The following KMO variants were observed in gnomAD, a reference collection of about 807,000 sequenced individuals.
KMO encodes the protein kynurenine 3-hydroxylase.
In KMO, 24 loss-of-function variants were observed where a neutral mutation model predicts 57.8. The ratio of observed to expected loss-of-function variants is 0.42; its 90% CI spans 0.30 to 0.58. KMO has a LOEUF of 0.58. Ranked by LOEUF, KMO falls within the 20% of genes least tolerant of loss-of-function variation. The pLI is 0.22. For synonymous variants in KMO, 210 were observed against 193.6 expected (o/e 1.08, Z -0.70); for missense variants, 483 against 588.2 (o/e 0.82, Z 1.85).
rs575683246 is a variant in KMO at position 241,556,654 on chromosome 1, C to T, written c.361+994C>T. Reference sequence around the variant, plus strand: ...CAGCACATTGGGAGGCCGAGGCAGGCGGATCACAAGGTCAGGAGTTTGAGA... The same window carrying T: ...CAGCACATTGGGAGGCCGAGGCAGGTGGATCACAAGGTCAGGAGTTTGAGA... On this transcript the variant is annotated intron_variant, in intron 5 of 14. Coordinates refer to ENST00000366559, the MANE Select transcript of KMO (RefSeq NM_003679.5). Among the ~76,000 whole-genome samples, 8 of 152,118 alleles carry T rather than the reference C, an allele frequency of 5.3e-5. No homozygotes were observed. The East Asian group carries it at 5.8e-4, about 11-fold the overall frequency.
At chr1:241,538,818 T>C (rs67267325) in intron 1 of KMO, among the ~76,000 whole-genome samples, 8,571 of 152,216 alleles carry the variant, frequency 0.056, 398 homozygotes, top group African/African-American at 0.13. Context: ...GTGGGAAGTA[T>C]CTGGAATGGA....
At chr1:241,532,576 A>T (rs764054201) in intron 1 of KMO, 78 bp downstream of exon 1, 31 of 1,059,442 alleles carry the variant, frequency 2.9e-5, no homozygotes, top group Non-Finnish European at 4.0e-5. Context: ...ATTATTCGTC[A>T]CTTCTGCAAA....
intron 1 of KMO, among the ~76,000 whole-genome samples, chr1:241,540,178 TA>T (rs1660910551): frequency 6.6e-6 from 1 of 152,186 alleles, no homozygotes; most frequent in Non-Finnish European, 1.5e-5. Flanking sequence ...TGTGAGGAAT[TA>T]TTTTTTTCTT....
intron 3 of KMO, chr1:241,550,079 C>CTT: frequency 5.0e-5 from 11 of 218,308 alleles, no homozygotes; most frequent in South Asian, 1.4e-4. Flanking sequence ...AGCCAGATTC[C>CTT]TTTTTTTTTT....
intron 1 of KMO, among the ~76,000 whole-genome samples, chr1:241,537,395 A>T (rs1332716959): frequency 1.3e-5 from 2 of 152,218 alleles, no homozygotes; most frequent in Non-Finnish European, 2.9e-5. Flanking sequence ...ATTCAAGTGC[A>T]TACTTTATAT....
intron 10 of KMO, among the ~76,000 whole-genome samples, chr1:241,586,191 C>CTTTTTTTTTTT (rs386370217): frequency 2.5e-5 from 2 of 80,058 alleles, no homozygotes; most frequent in Non-Finnish European, 4.5e-5. Flanking sequence ...AGTCTATGGT[C>CTTTTTTTTTTT]TTTTTTTTTT....
chr1:241,592,095 G>A lies in KMO; in HGVS notation c.1403G>A (p.Cys468Tyr). 1 of 1,613,950 alleles carries A rather than the reference G, an allele frequency of 6.2e-7. No individual in the cohort carries two copies. Among genetic ancestry groups the A allele is most frequent in the Non-Finnish European group, 8.5e-7 (1 of 1,179,966 alleles). ...ATAGCTCACTTCCGGAATACAACAT[G>A]TTTCCCCGCAAAGGCCGTGGACTCC... is the stretch of plus-strand genomic sequence containing the variant. The part of the protein sequence containing the change: ...NWIAHFRNTT[C>Y]FPAKAVDSLE... Residue 468 changes from cysteine (C) to tyrosine (Y), a missense_variant, in exon 15 of 15, where the codon TGT becomes TAT. Physicochemically the swap from Cys to Tyr is radical, Grantham distance 194. Coordinates refer to ENST00000366559, the MANE Select transcript of KMO (RefSeq NM_003679.5).
intron 14 of KMO, 59 bp downstream of exon 14, chr1:241,590,322 TATG>T (rs1663211437): frequency 7.6e-7 from 1 of 1,309,410 alleles, no homozygotes; most frequent in African/African-American, 1.5e-5. Flanking sequence ...GTCATAGTAT[TATG>T]ATTATGTTTG....
rs765886526 is a variant in KMO, at chr1:241,587,977, C to G, written c.1016-771C>G. Among the ~76,000 whole-genome samples, 9 of 152,206 alleles carry G rather than the reference C, an allele frequency of 5.9e-5. 1 individual carries two copies. The highest frequency in any genetic ancestry group is 3.4e-3 in the Middle Eastern group (1 of 294). On this transcript the variant is annotated intron_variant, in intron 11 of 14. Coordinates refer to ENST00000366559, the MANE Select transcript of KMO (RefSeq NM_003679.5). ...AGCATCACGTGCTTTCAAAGGCCACCTCTGATTTTACACTTGTTTCAGGTA... is the reference window on the plus strand; with the variant it reads ...AGCATCACGTGCTTTCAAAGGCCACGTCTGATTTTACACTTGTTTCAGGTA...
Position 241,568,510 on chromosome 1 carries a change from G to A in KMO, c.820G>A (p.Val274Met). ...AIPLIGEKLL[V>M]QDFFLLPAQP... Reference sequence around the variant, plus strand: ...TATTTTCCTTTGAAGGAAACTCCTAGTGCAAGATTTCTTCCTGTTGCCTGC... The same window carrying A: ...TATTTTCCTTTGAAGGAAACTCCTAATGCAAGATTTCTTCCTGTTGCCTGC... Residue 274 changes from valine (V) to methionine (M), a missense_variant, in exon 10 of 15, where the codon GTG becomes ATG. Val to Met is a conservative substitution (Grantham distance 21). This residue lies in a region of KMO where 410 missense variants were observed against 492.3 expected (regional missense o/e 0.83). Transcript: ENST00000366559. 6.2e-7 allele frequency: 1 copy of A among 1,613,718 alleles called. No individual in the cohort carries two copies. The highest frequency in any genetic ancestry group is 8.5e-7 in the Non-Finnish European group (1 of 1,179,744).
At chr1:241,558,774 G>A (rs1661730939) in intron 5 of KMO, among the ~76,000 whole-genome samples, 1 of 48,942 alleles carries the variant, frequency 2.0e-5, no homozygotes, top group Non-Finnish European at 6.3e-5. Context: ...TGCTAACCAT[G>A]TTAAAAAAAA....
intron 10 of KMO, among the ~76,000 whole-genome samples, chr1:241,576,294 G>C (rs1352400160): frequency 6.6e-6 from 1 of 151,978 alleles, no homozygotes; most frequent in Non-Finnish European, 1.5e-5. Context: ...TGCTGTTTCA[G>C]TCATCATGTT....
At chr1:241,550,085 T>C (rs1371975636) in intron 3 of KMO, 1 of 230,742 alleles carries the variant, frequency 4.3e-6, no homozygotes, top group African/African-American at 2.3e-5. Context: ...ATTCCTTTTT[T>C]TTTTCAATTG....
chr1:241,562,282 T>C lies in KMO; in HGVS notation c.565T>C (p.Tyr189His). The change falls in exon 7 of 15, where the codon TAC (tyrosine) becomes CAC (histidine). Residue 189 changes from tyrosine to histidine, a missense_variant. Around this residue, in one of 3 missense-constraint regions of KMO, gnomAD observed 410 missense variants for 492.3 expected, o/e 0.83. Transcript: ENST00000366559. Reference protein sequence around the residue: ...KKPRFDYSQQYIPHGYMELTI... With the variant: ...KKPRFDYSQQHIPHGYMELTI... ...ACCTCGCTTTGATTACAGTCAGCAG[T>C]ACATTCCTCATGGGTACATGGAGTT... is the stretch of plus-strand genomic sequence containing the variant. 2 of 1,614,180 alleles carry C rather than the reference T, an allele frequency of 1.2e-6. No individual in the cohort carries two copies. Among genetic ancestry groups the C allele is most frequent in the African/African-American group, 2.7e-5 (2 of 75,072 alleles).
rs1661685220 is a variant in KMO at position 241,557,572 on chromosome 1, T to C, written c.361+1912T>C. 2.0e-5 allele frequency among the ~76,000 whole-genome samples: 3 copies of C among 152,224 alleles called. No individual in the cohort carries two copies. In the South Asian group the frequency reaches 6.2e-4, roughly 32 times the overall value. Reference sequence around the variant, plus strand: ...AAGAGGGTTTAGTATTATTATTAATTGTATTTCCTTAGTTATATTTGTCAG... The same window carrying C: ...AAGAGGGTTTAGTATTATTATTAATCGTATTTCCTTAGTTATATTTGTCAG... On this transcript the variant is annotated intron_variant, in intron 5 of 14. Transcript: ENST00000366559.
At chr1:241,579,808 G>A (rs952270776) in intron 10 of KMO, among the ~76,000 whole-genome samples, 2 of 152,092 alleles carry the variant, frequency 1.3e-5, no homozygotes, top group African/African-American at 2.4e-5. Context: ...AACCCTGCTC[G>A]AGATTATATC....
At chr1:241,540,155 T>C (rs1660909343) in intron 1 of KMO, among the ~76,000 whole-genome samples, 1 of 152,146 alleles carries the variant, frequency 6.6e-6, no homozygotes, top group East Asian at 1.9e-4. Flanking sequence ...TTGGTTGCCA[T>C]TGGTGGTAAA....
At position 241,586,624 on chromosome 1, in the gene KMO, G is replaced by A. The variant is rs774810266; in HGVS notation, c.958-55G>A. 7 of 1,126,438 alleles carry A rather than the reference G, an allele frequency of 6.2e-6. No individual in the cohort carries two copies. In the South Asian group the frequency reaches 9.3e-5, roughly 15 times the overall value. 69.8% of individuals were successfully genotyped at this position (1,126,438 alleles called of 1,614,324 possible). ...ATATCTATTCAAAATCAATAATAAG[G>A]GTTTCTTTTTTATTATTTCTAGTTT... is the stretch of plus-strand genomic sequence containing the variant. On this transcript the variant is annotated intron_variant, in intron 10 of 14. Transcript: ENST00000366559.
At chr1:241,590,373 C>T in intron 14 of KMO, 110 bp downstream of exon 14, 1 of 883,140 alleles carries the variant, frequency 1.1e-6, no homozygotes, top group Non-Finnish European at 1.8e-6. Flanking sequence ...CAGACACCAA[C>T]TGTTTGCCTT....
Sources: allele counts gnomAD v4.1 joint callset (sites outside exome capture counted in the v4.1 genomes callset), GRCh38; gene constraint gnomAD v4.1.1; regional missense constraint gnomAD v4.1.1; transcripts MANE v1.5; gene names NCBI Gene and HGNC (gene_info 2026-07-23, HGNC 2026-07-21).